Variants in WDR72 observed in about 807,000 individuals in gnomAD.
The protein encoded by WDR72 is WD repeat-containing protein 72.
A neutral mutation model predicts 124.2 loss-of-function variants in WDR72; 120 were observed. That is an observed-to-expected ratio of 0.97 (90% CI 0.83 to 1.12). WDR72 has a LOEUF of 1.12. WDR72 is among the 50% of genes most tolerant of loss of function. WDR72 has a pLI of 0.00. For missense variants in WDR72, 1,387 were observed against 1,278.8 expected (o/e 1.08, Z -1.29); for synonymous variants, 452 against 441.7 (o/e 1.02, Z -0.29).
Position 53,686,753 on chromosome 15 carries a change from T to C in WDR72, c.1765+12997A>G, listed in dbSNP as rs892897451. Among the ~76,000 whole-genome samples the C allele has an allele frequency of 3.5e-4, 53 of 149,688 alleles. 1 individual carries two copies. Among genetic ancestry groups the C allele is most frequent in the Non-Finnish European group, 6.2e-4 (42 of 67,722 alleles). ...AACTCTCCACCCCAAATCAACAGAA[T>C]ATACATTTTTTTCAGCACCACACCA... On this transcript the variant is annotated intron_variant, in intron 13 of 19. Coordinates refer to ENST00000360509, the MANE Select transcript of WDR72 (RefSeq NM_182758.4).
intron 18 of WDR72, among the ~76,000 whole-genome samples, chr15:53,549,959 T>A (rs1893660123): frequency 6.6e-6 from 1 of 152,204 alleles, no homozygotes; most frequent in Non-Finnish European, 1.5e-5. Context: ...CTTTCATTCA[T>A]GCAGATACTT....
At chr15:53,757,050 T>C (rs919751766) in intron 1 of WDR72, among the ~76,000 whole-genome samples, 1 of 152,114 alleles carries the variant, frequency 6.6e-6, no homozygotes, top group Non-Finnish European at 1.5e-5. Context: ...ACCAAAGATA[T>C]CTCTCTCATT....
At chr15:53,543,399 G>A (rs1366910513) in intron 18 of WDR72, among the ~76,000 whole-genome samples, 1 of 152,112 alleles carries the variant, frequency 6.6e-6, no homozygotes, top group Non-Finnish European at 1.5e-5. Flanking sequence ...TGACTTCTGG[G>A]TACATAAGAA....
chr15:53,706,202 A>G (rs61513701), intron 9 of WDR72, 128 bp from the exon 10 acceptor site: 125 of 1,096,210 alleles, frequency 1.1e-4, no homozygotes, highest in Non-Finnish European at 1.5e-4. Flanking sequence ...CTCTTTTGAC[A>G]TTTTCAAGTA....
chr15:53,540,366 C>T (rs927148171), intron 18 of WDR72, among the ~76,000 whole-genome samples: 1 of 152,012 alleles, frequency 6.6e-6, no homozygotes, highest in Non-Finnish European at 1.5e-5. Flanking sequence ...CGGAGTGACC[C>T]CTCCAACATT....
intron 1 of WDR72, among the ~76,000 whole-genome samples, chr15:53,737,207 T>C (rs1209442252): frequency 2.6e-5 from 4 of 152,162 alleles, no homozygotes; most frequent in Admixed American, 6.5e-5. Flanking sequence ...AAGATGCTAC[T>C]GGACTAAATT....
At chr15:53,626,017 T>G (rs2014192088) in intron 14 of WDR72, among the ~76,000 whole-genome samples, 1 of 152,208 alleles carries the variant, frequency 6.6e-6, no homozygotes, top group Non-Finnish European at 1.5e-5. Flanking sequence ...TGATAACTTC[T>G]TTCTCAAAAC....
chr15:53,539,691 AAGTG>A (rs1892967282), intron 18 of WDR72, among the ~76,000 whole-genome samples: 1 of 152,004 alleles, frequency 6.6e-6, no homozygotes, highest in African/African-American at 2.4e-5. Flanking sequence ...TACATACAGA[AAGTG>A]AGAGAGAAAG....
chr15:53,611,815 T>C (rs1725742844), intron 16 of WDR72, among the ~76,000 whole-genome samples: 1 of 152,026 alleles, frequency 6.6e-6, no homozygotes, highest in African/African-American at 2.4e-5. Flanking sequence ...TGAGATAATA[T>C]ATGTAAAACC....
intron 18 of WDR72, among the ~76,000 whole-genome samples, chr15:53,542,728 T>G (rs1293033001): frequency 8.9e-5 from 5 of 56,286 alleles, no homozygotes; most frequent in Non-Finnish European, 1.4e-4. Flanking sequence ...GACCCATCAG[T>G]GTGCTGTATT....
At chr15:53,526,495 C>G (rs1343941337) in intron 18 of WDR72, among the ~76,000 whole-genome samples, 2 of 152,046 alleles carry the variant, frequency 1.3e-5, no homozygotes, top group Non-Finnish European at 2.9e-5. Context: ...TTACATGTCT[C>G]TTTGAGCTTT....
Position 53,712,880 on chromosome 15 carries a change from A to T in WDR72, c.603T>A (p.Asp201Glu), listed in dbSNP as rs1220323836. ...GAAACTTGGATTCTTTTTCATAGAC[A>T]TCTTGCTTTTCCTTCAAAAGGAAAG... ...SSINSIQEKQ[D>E]VYEKESKFLE... Residue 201 changes from aspartate to glutamate, a missense_variant, in exon 7 of 20, where the codon GAT (aspartate) becomes GAA (glutamate). Transcript: ENST00000360509. 2 of 1,613,692 alleles carry T rather than the reference A, an allele frequency of 1.2e-6. No homozygotes were observed. Among genetic ancestry groups the T allele is most frequent in the Admixed American group, 1.7e-5 (1 of 60,002 alleles).
At chr15:53,755,667 C>T (rs2018882655) in intron 1 of WDR72, among the ~76,000 whole-genome samples, 2 of 152,218 alleles carry the variant, frequency 1.3e-5, no homozygotes, top group African/African-American at 4.8e-5. Flanking sequence ...GAAGGCCCCA[C>T]TTCCTGTCCC....
At chr15:53,580,257 CA>C (rs1159464256) in intron 18 of WDR72, among the ~76,000 whole-genome samples, 3 of 151,972 alleles carry the variant, frequency 2.0e-5, no homozygotes, top group Admixed American at 2.0e-4. Context: ...CGAAATAATG[CA>C]AAGTGAAAAT....
intron 17 of WDR72, 23 bp downstream of exon 17, chr15:53,609,490 C>A: frequency 6.2e-7 from 1 of 1,603,386 alleles, no homozygotes; most frequent in Non-Finnish European, 8.5e-7. Flanking sequence ...CTAATAACGT[C>A]ATGAATGTGA....
intron 6 of WDR72, 119 bp downstream of exon 6, chr15:53,714,315 T>C: frequency 1.2e-6 from 1 of 832,234 alleles, no homozygotes. Flanking sequence ...AAGTAGAATT[T>C]ATACACTTCT....
At chr15:53,700,411 T>A (rs2017136011) in intron 12 of WDR72, among the ~76,000 whole-genome samples, 1 of 152,164 alleles carries the variant, frequency 6.6e-6, no homozygotes, top group African/African-American at 2.4e-5. Context: ...CAGGTTCTAA[T>A]CCAAACAGGA....
intron 17 of WDR72, among the ~76,000 whole-genome samples, chr15:53,600,589 T>C (rs2013000520): frequency 6.6e-6 from 1 of 152,158 alleles, no homozygotes; most frequent in African/African-American, 2.4e-5. Context: ...TTTAGTGGCA[T>C]TCCATAAACA....
chr15:53,660,783 T>C (rs2140442981), intron 14 of WDR72, among the ~76,000 whole-genome samples: 1 of 152,336 alleles, frequency 6.6e-6, no homozygotes, highest in African/African-American at 2.4e-5. Context: ...AAGGGTGGTT[T>C]TCCAAACACA....
Sources: allele counts gnomAD v4.1 joint callset (sites outside exome capture counted in the v4.1 genomes callset), GRCh38; gene constraint gnomAD v4.1.1; transcripts MANE v1.5; gene names NCBI Gene and HGNC (gene_info 2026-07-23, HGNC 2026-07-21).